The following RHCE variants were observed in gnomAD, a reference collection of about 807,000 sequenced individuals.
RHCE encodes the protein blood group Rh(CE) polypeptide.
In RHCE, 22 loss-of-function variants were observed where a neutral mutation model predicts 43.8. That is an observed-to-expected ratio of 0.50 (90% CI 0.36 to 0.72). RHCE has a LOEUF of 0.72. Ranked by LOEUF, RHCE falls within the 30% of genes least tolerant of loss-of-function variation. The probability of loss-of-function intolerance (pLI) is 0.00; values close to 1 mark genes in which losing one functional copy is unlikely to be tolerated. For synonymous variants in RHCE, 156 were observed against 210.7 expected (o/e 0.74, Z 2.25); for missense variants, 385 against 525.4 (o/e 0.73, Z 2.61).
intron 7 of RHCE, among the ~76,000 whole-genome samples, chr1:25,377,520 A>G (rs1374003490): frequency 6.6e-6 from 1 of 152,148 alleles, no homozygotes; most frequent in African/African-American, 2.4e-5. Context: ...CAGGACATAA[A>G]AGAACTAAGC....
chr1:25,414,092 T>C (rs1366390027), intron 1 of RHCE, among the ~76,000 whole-genome samples: 1 of 152,100 alleles, frequency 6.6e-6, no homozygotes, highest in Non-Finnish European at 1.5e-5. Flanking sequence ...GGGTACGTAG[T>C]GAGTGTTAGT....
chr1:25,429,277 C>T (rs920310407), intron 1 of RHCE, among the ~76,000 whole-genome samples: 4 of 145,268 alleles, frequency 2.8e-5, no homozygotes, highest in Non-Finnish European at 4.5e-5. Context: ...CTCAGCCTCT[C>T]GAGTAGCTGG....
intron 6 of RHCE, among the ~76,000 whole-genome samples, chr1:25,388,066 G>A (rs1219361624): frequency 5.3e-5 from 8 of 151,548 alleles, no homozygotes; most frequent in South Asian, 2.1e-4. Context: ...CCATCTGCCC[G>A]CCTCGGCCTC....
intron 6 of RHCE, among the ~76,000 whole-genome samples, chr1:25,386,129 G>C (rs1646151431): frequency 6.6e-6 from 1 of 152,172 alleles, no homozygotes. Context: ...GAGTAGCAAG[G>C]GTCTAGTGTA....
At chr1:25,416,815 A>ATGG (rs1179194314) in intron 1 of RHCE, among the ~76,000 whole-genome samples, 3 of 69,852 alleles carry the variant, frequency 4.3e-5, no homozygotes, top group African/African-American at 2.1e-4. Flanking sequence ...TTTTTTAGAG[A>ATGG]TGGCGGGGGG....
At chr1:25,392,955 C>G (rs1015157102) in intron 3 of RHCE, among the ~76,000 whole-genome samples, 5 of 152,072 alleles carry the variant, frequency 3.3e-5, no homozygotes, top group Non-Finnish European at 7.3e-5. Context: ...TACTTCTCAG[C>G]GGAATTTTAA....
rs1370691823 is a variant in RHCE, at chr1:25,409,682, A to G, written c.149-813T>C. On this transcript the variant is annotated intron_variant, in intron 1 of 9. Transcript: ENST00000294413. ...GGCACTCTCTAACTGTGTGGTCTTG[A>G]TCTAGTTACTTAACATCTCTGAGCT... 4.8e-5 allele frequency among the ~76,000 whole-genome samples: 6 copies of G among 124,922 alleles called. 2 individuals are homozygous for G. The highest frequency in any genetic ancestry group is 1.1e-4 in the Non-Finnish European group (6 of 54,686). 82.0% of individuals were successfully genotyped at this position (124,922 alleles called of 152,430 possible).
At chr1:25,427,558 G>C (rs2042814568) in intron 2 of RHCE, among the ~76,000 whole-genome samples, 1 of 152,224 alleles carries the variant, frequency 6.6e-6, no homozygotes, top group Non-Finnish European at 1.5e-5. Context: ...GAGCCAAAAG[G>C]GCTTGTGCTA....
At chr1:25,409,021 A>C in intron 1 of RHCE, 152 bp from the exon 2 acceptor site, 1 of 530,596 alleles carries the variant, frequency 1.9e-6, no homozygotes, top group Admixed American at 3.2e-5. Context: ...TTTGAGCCTC[A>C]ATGTTCTCAA....
intron 3 of RHCE, among the ~76,000 whole-genome samples, chr1:25,401,872 CTTTTT>C (rs1432519027): frequency 6.6e-6 from 1 of 151,678 alleles, no homozygotes; most frequent in Non-Finnish European, 1.5e-5. Flanking sequence ...CTTTTCTTTT[CTTTTT>C]TCTTTTTTTT....
chr1:25,422,303 C>T (rs1401945491), upstream of RHCE, among the ~76,000 whole-genome samples: 5 of 152,084 alleles, frequency 3.3e-5, no homozygotes, highest in East Asian at 1.9e-4. Context: ...AAGAGGAAAA[C>T]GCTTTTATCA....
At chr1:25,385,491 G>T in intron 7 of RHCE, 1 of 689,104 alleles carries the variant, frequency 1.5e-6, no homozygotes, top group Non-Finnish European at 2.6e-6. Context: ...CTATACCTAG[G>T]TGGTCCTATT....
intron 7 of RHCE, among the ~76,000 whole-genome samples, chr1:25,381,918 T>C (rs372342990): frequency 0.052 from 7,897 of 151,118 alleles, 665 homozygotes; most frequent in African/African-American, 0.18. Context: ...TTGTCCATAT[T>C]CTGTTGCTAT....
intron 2 of RHCE, among the ~76,000 whole-genome samples, chr1:25,425,846 C>T (rs1449919410): frequency 6.6e-6 from 1 of 152,228 alleles, no homozygotes; most frequent in Non-Finnish European, 1.5e-5. Flanking sequence ...TCCGGTCCCT[C>T]CCTGGAAATG....
chr1:25,405,637 G>T lies in RHCE; in HGVS notation c.336-2891C>A, dbSNP rs542620565. Among the ~76,000 whole-genome samples, 99 of 98,402 alleles carry T rather than the reference G, an allele frequency of 1.0e-3. 10 individuals carry two copies. Among genetic ancestry groups the T allele is most frequent in the African/African-American group, 2.6e-3 (95 of 36,228 alleles). 64.6% of individuals were successfully genotyped at this position (98,402 alleles called of 152,430 possible). A position where few individuals can be genotyped will look rare whatever the true frequency, so the allele number is the denominator to read the frequency against. On this transcript the variant is annotated intron_variant, in intron 2 of 9. Coordinates refer to ENST00000294413, the MANE Select transcript of RHCE (RefSeq NM_020485.8). ...CCACTGCACTCCAGACTGGGCAACA[G>T]AGCAAGACCCTGTCTCTAAAAAAAT...
At chr1:25,429,431 G>C (rs545906860) in intron 1 of RHCE, among the ~76,000 whole-genome samples, 198 of 152,220 alleles carry the variant, frequency 1.3e-3, no homozygotes, top group African/African-American at 4.5e-3. Flanking sequence ...GGGATTACAG[G>C]CGTGAGCCAC....
At chr1:25,424,976 T>C (rs28532198), upstream of RHCE, among the ~76,000 whole-genome samples, 11,068 of 151,704 alleles carry the variant, frequency 0.073, 1,292 homozygotes, top group African/African-American at 0.25. Context: ...GCCACCACAC[T>C]GCGCTAATTT....
chr1:25,416,619 A>G (rs1256598616), intron 1 of RHCE, among the ~76,000 whole-genome samples: 1 of 150,884 alleles, frequency 6.6e-6, no homozygotes, highest in East Asian at 2.0e-4. Flanking sequence ...CACCTCAAAT[A>G]TTTTCATTTT....
At chr1:25,384,641 C>T (rs1484490357) in intron 7 of RHCE, among the ~76,000 whole-genome samples, 1 of 152,146 alleles carries the variant, frequency 6.6e-6, no homozygotes, top group East Asian at 1.9e-4. Flanking sequence ...TATGTGATCC[C>T]TATAATTTGG....
Sources: gnomAD v4.1 joint callset for allele counts (sites outside exome capture counted in the v4.1 genomes callset) on GRCh38, gnomAD v4.1.1 for gene constraint, MANE v1.5 for transcripts, NCBI Gene and HGNC (gene_info 2026-07-23, HGNC 2026-07-21) for gene names.